Variants in USP7 observed in about 807,000 individuals in gnomAD.
USP7 encodes ubiquitin specific peptidase 7.
USP7 carries 9 observed loss-of-function variants against 162.9 expected under a neutral mutation model. The ratio of observed to expected loss-of-function variants is 0.06; its 90% CI spans 0.03 to 0.10. USP7 has a LOEUF of 0.10. Among genes scored for constraint, USP7 ranks in the 10% least tolerant of loss-of-function variants. The probability of loss-of-function intolerance (pLI) is 1.00; values close to 1 mark genes in which losing one functional copy is unlikely to be tolerated. For synonymous variants in USP7, 562 were observed against 475.9 expected, an observed-to-expected ratio of 1.18 and a Z score of -2.35; for missense variants, 715 against 1,373.7, an observed-to-expected ratio of 0.52 and a Z score of 7.58.
At chr16:8,905,396 G>A (rs1228981723) in intron 13 of USP7, 65 bp from the exon 14 acceptor site, 8 of 1,583,978 alleles carry the variant, frequency 5.1e-6, no homozygotes, top group Middle Eastern at 1.7e-4. Flanking sequence ...ACACTAGAAG[G>A]CAGCGTTGTT....
At chr16:8,900,068 A>G (rs1276856352) in intron 21 of USP7, 1 of 433,314 alleles carries the variant, frequency 2.3e-6, no homozygotes, top group Non-Finnish European at 4.1e-6. Flanking sequence ...TGTCTTGCCC[A>G]CAGACCTGAC....
intron 18 of USP7, chr16:8,901,796 C>G: frequency 2.4e-6 from 1 of 409,224 alleles, no homozygotes; most frequent in Non-Finnish European, 4.4e-6. Context: ...ACGTTTGCAA[C>G]CCTGCTCTTT....
chr16:8,946,810 C>A (rs910958592), intron 1 of USP7, among the ~76,000 whole-genome samples: 7 of 152,218 alleles, frequency 4.6e-5, no homozygotes, highest in African/African-American at 2.4e-5. Context: ...CAGCAGCAGG[C>A]GTTTCCAACA....
chr16:8,936,915 CTG>C (rs1367035923), intron 1 of USP7, among the ~76,000 whole-genome samples: 1 of 152,180 alleles, frequency 6.6e-6, no homozygotes, highest in Non-Finnish European at 1.5e-5. Context: ...GTTTAAAACA[CTG>C]TATCAAACAC....
At chr16:8,950,253 G>C (rs1899488470) in intron 1 of USP7, among the ~76,000 whole-genome samples, 1 of 152,104 alleles carries the variant, frequency 6.6e-6, no homozygotes, top group Non-Finnish European at 1.5e-5. Flanking sequence ...TTATCACTCA[G>C]AGCCTTGGTA....
In USP7 at chr16:8,941,406, C is replaced by T. The variant is rs147819901; in HGVS notation, c.80-11009G>A. On this transcript the variant is annotated intron_variant, in intron 1 of 30. Coordinates refer to ENST00000344836, the MANE Select transcript of USP7 (RefSeq NM_003470.3). ...TTTTTAACAAAGAAAACATCTTATT[C>T]TGTAGCCTAATACGTTACTTTTCCA... Among the ~76,000 whole-genome samples the T allele has an allele frequency of 1.8e-3, 275 of 152,320 alleles. 2 individuals carry two copies. The highest frequency in any genetic ancestry group is 6.4e-3 in the African/African-American group (267 of 41,578).
At chr16:8,907,625 G>A (rs765139784) in intron 12 of USP7, among the ~76,000 whole-genome samples, 7 of 152,152 alleles carry the variant, frequency 4.6e-5, no homozygotes, top group African/African-American at 7.2e-5. Context: ...GGAGGCTGAG[G>A]CCGGCAGATC....
intron 18 of USP7, 114 bp downstream of exon 18, chr16:8,901,968 G>A (rs770001568): frequency 4.6e-6 from 4 of 875,812 alleles, no homozygotes; most frequent in South Asian, 1.6e-5. Flanking sequence ...TTGTGGAATT[G>A]ATCAACACAT....
chr16:8,934,849 T>A (rs190668887), intron 1 of USP7, among the ~76,000 whole-genome samples: 2 of 152,336 alleles, frequency 1.3e-5, no homozygotes, highest in East Asian at 3.9e-4. Context: ...CCAAGGTGAT[T>A]CCAGCCCAGC....
chr16:8,958,758 T>A (rs974583782), intron 1 of USP7, among the ~76,000 whole-genome samples: 1 of 152,362 alleles, frequency 6.6e-6, no homozygotes, highest in African/African-American at 2.4e-5. Context: ...CCAGGCTGAC[T>A]ACAGCATCAG....
At chr16:8,920,505 G>A in intron 4 of USP7, 58 bp from the exon 5 acceptor site, 5 of 1,437,424 alleles carry the variant, frequency 3.5e-6, no homozygotes, top group Non-Finnish European at 4.8e-6. Flanking sequence ...TTATTCCCAA[G>A]AGACAAATTA....
rs147283264 is a variant in USP7, at chr16:8,914,296, G to C, written c.1078+958C>G. Reference sequence around the variant, plus strand: ...AACTGACAGCTCCAGTGTGGGTGTGGAGCAACTGCAACTCTGCCACCTTCC... The same window carrying C: ...AACTGACAGCTCCAGTGTGGGTGTGCAGCAACTGCAACTCTGCCACCTTCC... On this transcript the variant is annotated intron_variant, in intron 10 of 30. Transcript: ENST00000344836. Among the ~76,000 whole-genome samples the C allele has an allele frequency of 4.6e-3, 701 of 152,000 alleles. 16 individuals are homozygous for C. The highest frequency in any genetic ancestry group is 0.015 in the African/African-American group (632 of 41,336).
intron 1 of USP7, among the ~76,000 whole-genome samples, chr16:8,932,815 T>C (rs1898447598): frequency 6.6e-6 from 1 of 152,126 alleles, no homozygotes. Context: ...GTGCCTTATC[T>C]GCGACATTTA....
intron 21 of USP7, chr16:8,899,970 G>A (rs1387772350): frequency 3.2e-6 from 2 of 621,236 alleles, no homozygotes; most frequent in East Asian, 5.5e-5. Flanking sequence ...GCGCAATGTA[G>A]TGGCTTTACA....
At chr16:8,942,709 A>C (rs1478589128) in intron 1 of USP7, among the ~76,000 whole-genome samples, 1 of 152,046 alleles carries the variant, frequency 6.6e-6, no homozygotes, top group East Asian at 1.9e-4. Flanking sequence ...CACCACACTC[A>C]GCTAGTTTCT....
rs1056451069 is a variant in USP7 at position 8,906,698 on chromosome 16, T to A, written c.1272-116A>T. On this transcript the variant is annotated intron_variant, in intron 12 of 30. Coordinates refer to ENST00000344836, the MANE Select transcript of USP7 (RefSeq NM_003470.3). ...TCATCTTTAATAGGATAAGCATGAA[T>A]TGCCTTGGGAAGGCCTATGAAGTAC... The A allele has an allele frequency of 4.5e-6, 5 of 1,102,174 alleles. No homozygotes were observed. The South Asian group carries it at 6.4e-5, about 14-fold the overall frequency. 68.3% of individuals were successfully genotyped at this position (1,102,174 alleles called of 1,614,324 possible). A position where few individuals can be genotyped will look rare whatever the true frequency, so the allele number is the denominator to read the frequency against.
At chr16:8,946,817 A>C (rs996428289) in intron 1 of USP7, among the ~76,000 whole-genome samples, 8 of 152,252 alleles carry the variant, frequency 5.3e-5, no homozygotes, top group Non-Finnish European at 1.2e-4. Context: ...AGGCGTTTCC[A>C]ACAACGCCAA....
chr16:8,899,854 A>G, intron 21 of USP7, 97 bp from the exon 22 acceptor site: 2 of 1,396,012 alleles, frequency 1.4e-6, no homozygotes, highest in South Asian at 1.2e-5. Flanking sequence ...TGACACCAAC[A>G]GGCTCTCTTG....
intron 14 of USP7, 104 bp from the exon 15 acceptor site, chr16:8,904,669 G>T: frequency 6.6e-7 from 1 of 1,508,630 alleles, no homozygotes; most frequent in African/African-American, 1.4e-5. Context: ...TTAGGCCGGC[G>T]TGGTGGCTTA....
Sources: gnomAD v4.1 joint callset for allele counts (sites outside exome capture counted in the v4.1 genomes callset) on GRCh38, gnomAD v4.1.1 for gene constraint, MANE v1.5 for transcripts, NCBI Gene and HGNC (gene_info 2026-07-23, HGNC 2026-07-21) for gene names.